Variants in WWOX observed in about 807,000 individuals in gnomAD.
The protein encoded by WWOX is WW domain-containing oxidoreductase.
In WWOX, 69 loss-of-function variants were observed where a neutral mutation model predicts 46.2. The ratio of observed to expected loss-of-function variants is 1.49; its 90% CI spans 1.23 to 1.82. The LOEUF is 1.82. Among genes scored for constraint, WWOX ranks in the 40% most tolerant of loss-of-function variants. The pLI, the probability that WWOX is intolerant of heterozygous loss-of-function variation, is 0.00. For synonymous variants in WWOX, 359 were observed against 202.6 expected, an observed-to-expected ratio of 1.77 and a Z score of -6.56; for missense variants, 919 against 542.6, an observed-to-expected ratio of 1.69 and a Z score of -6.89.
chr16:78,626,506 C>G (rs538137551), intron 8 of WWOX, among the ~76,000 whole-genome samples: 33 of 152,208 alleles, frequency 2.2e-4, no homozygotes, highest in Non-Finnish European at 3.8e-4. Context: ...AGGAAGACCC[C>G]AGAGGTCTGT....
At position 79,212,326 on chromosome 16, in the gene WWOX, G is replaced by C; in HGVS notation, c.*530G>C. Reference sequence around the variant, plus strand: ...CTGGGGAGACAAATCTCAGAACCTTGTCCCAGCCAGTGAGGATGACAGTGA... The same window carrying C: ...CTGGGGAGACAAATCTCAGAACCTTCTCCCAGCCAGTGAGGATGACAGTGA... On this transcript the variant is annotated 3_prime_UTR_variant, in exon 9 of 9. Transcript: ENST00000566780. 1.3e-6 allele frequency: 1 copy of C among 756,174 alleles called. No homozygotes were observed. The highest frequency in any genetic ancestry group is 2.0e-6 in the Non-Finnish European group (1 of 490,330). The allele number at this position is 756,174 out of a possible 1,614,324, so 46.8% of individuals were successfully genotyped here.
At chr16:78,468,079 T>A (rs2667543) in intron 8 of WWOX, among the ~76,000 whole-genome samples, 1 of 151,904 alleles carries the variant, frequency 6.6e-6, no homozygotes, top group African/African-American at 2.4e-5. Flanking sequence ...AAAACTGACA[T>A]TTTCTAAGTG....
chr16:79,192,377 C>G (rs2051154438), intron 8 of WWOX, among the ~76,000 whole-genome samples: 1 of 152,178 alleles, frequency 6.6e-6, no homozygotes, highest in African/African-American at 2.4e-5. Flanking sequence ...CACATGGCAA[C>G]TCATCACCCC....
rs189671504 is a variant in WWOX, at chr16:78,414,642, T to A, written c.606-10228T>A. Among the ~76,000 whole-genome samples, 313 of 152,356 alleles carry A rather than the reference T, an allele frequency of 2.1e-3. 2 individuals carry two copies. Among genetic ancestry groups the A allele is most frequent in the African/African-American group, 6.8e-3 (282 of 41,580 alleles). The stretch of plus-strand genomic sequence containing the variant: ...AATCTTAGGTTCTACAACAGTGATG[T>A]TATCTGCATGAATAATTGAGAAAGT... On this transcript the variant is annotated intron_variant, in intron 6 of 8. Transcript: ENST00000566780.
chr16:78,813,891 A>T (rs1429622663), intron 8 of WWOX, among the ~76,000 whole-genome samples: 1 of 152,172 alleles, frequency 6.6e-6, no homozygotes, highest in African/African-American at 2.4e-5. Flanking sequence ...TTGCCTGAGC[A>T]AGCCATTAAT....
At chr16:78,764,923 G>T (rs1567544750) in intron 8 of WWOX, among the ~76,000 whole-genome samples, 1 of 152,110 alleles carries the variant, frequency 6.6e-6, no homozygotes, top group Non-Finnish European at 1.5e-5. Context: ...TGAATTATCT[G>T]CATTGTGCCT....
chr16:79,090,851 C>A lies in WWOX; in HGVS notation c.1057-120757C>A, dbSNP rs115012850. Among the ~76,000 whole-genome samples, 1,393 of 152,232 alleles carry A rather than the reference C, an allele frequency of 9.2e-3. 25 individuals carry two copies. Among genetic ancestry groups the A allele is most frequent in the African/African-American group, 0.032 (1,311 of 41,516 alleles). On this transcript the variant is annotated intron_variant, in intron 8 of 8. Transcript: ENST00000566780. ...TTTTTTTGAGACATCTGGAGTGCAG[C>A]GGCATGATCTCAGCTCACTGCAACC... is the stretch of plus-strand genomic sequence containing the variant.
In WWOX at chr16:78,206,633, G is replaced by A. The variant is rs185531075; in HGVS notation, c.516+42344G>A. On this transcript the variant is annotated intron_variant, in intron 5 of 8. Transcript: ENST00000566780. ...TTAATTCTGGTTTAAGACTGAAGGG[G>A]TTCTTGGTGAATACTTTTGTAGATA... Among the ~76,000 whole-genome samples, 553 of 152,214 alleles carry A rather than the reference G, an allele frequency of 3.6e-3. 4 individuals are homozygous for A. Among genetic ancestry groups the A allele is most frequent in the South Asian group, 9.7e-3 (47 of 4,828 alleles).
At chr16:78,429,559 G>A (rs923988764) in intron 7 of WWOX, among the ~76,000 whole-genome samples, 3 of 151,958 alleles carry the variant, frequency 2.0e-5, no homozygotes, top group African/African-American at 7.2e-5. Flanking sequence ...GAGGGAGGGG[G>A]TGGTGCTATA....
chr16:78,929,646 G>C (rs2045575948), intron 8 of WWOX, among the ~76,000 whole-genome samples: 1 of 152,176 alleles, frequency 6.6e-6, no homozygotes, highest in Admixed American at 6.5e-5. Flanking sequence ...CTGGGGTTGG[G>C]ATGGCGACTA....
At chr16:78,911,722 C>G (rs1012895612) in intron 8 of WWOX, among the ~76,000 whole-genome samples, 32 of 151,958 alleles carry the variant, frequency 2.1e-4, no homozygotes, top group African/African-American at 7.7e-4. Context: ...AAAAATTAGC[C>G]AGACGTGATG....
chr16:78,724,209 T>G (rs1042743428), intron 8 of WWOX, among the ~76,000 whole-genome samples: 2 of 152,190 alleles, frequency 1.3e-5, no homozygotes, highest in East Asian at 3.9e-4. Context: ...AAATCTTTAG[T>G]GAGTACCTGT....
chr16:78,870,654 T>C (rs2044107093), intron 8 of WWOX, among the ~76,000 whole-genome samples: 1 of 152,156 alleles, frequency 6.6e-6, no homozygotes, highest in Admixed American at 6.5e-5. Context: ...CAGGCTGGAG[T>C]GCGGTGGTGC....
intron 8 of WWOX, among the ~76,000 whole-genome samples, chr16:78,648,488 C>A (rs1301033321): frequency 1.4e-4 from 22 of 152,176 alleles, no homozygotes; most frequent in Non-Finnish European, 5.9e-5. Context: ...TGGACAATGG[C>A]CAGACCATAT....
At chr16:78,190,650 G>A (rs2035856092) in intron 5 of WWOX, among the ~76,000 whole-genome samples, 1 of 152,178 alleles carries the variant, frequency 6.6e-6, no homozygotes, top group South Asian at 2.1e-4. Context: ...GGGTCTGACT[G>A]TAATCACACT....
chr16:79,008,121 T>C (rs2047225125), intron 8 of WWOX, among the ~76,000 whole-genome samples: 1 of 152,174 alleles, frequency 6.6e-6, no homozygotes, highest in South Asian at 2.1e-4. Flanking sequence ...GAATTCATTT[T>C]CTTGTAACTG....
chr16:78,815,295 A>C (rs552321334), intron 8 of WWOX, among the ~76,000 whole-genome samples: 41 of 151,956 alleles, frequency 2.7e-4, no homozygotes, highest in Non-Finnish European at 5.6e-4. Flanking sequence ...ACTGCACTCC[A>C]GCCTGGCTGA....
At chr16:79,120,071 A>G (rs942602917) in intron 8 of WWOX, among the ~76,000 whole-genome samples, 1 of 152,188 alleles carries the variant, frequency 6.6e-6, no homozygotes, top group Admixed American at 6.5e-5. Context: ...GGAAGAGTGC[A>G]GTTTATTTAG....
chr16:78,522,990 T>G (rs924830150), intron 8 of WWOX, among the ~76,000 whole-genome samples: 1 of 152,194 alleles, frequency 6.6e-6, no homozygotes, highest in Non-Finnish European at 1.5e-5. Flanking sequence ...GAGAATTGTT[T>G]GAAGCTGGGA....
Sources: gnomAD v4.1 joint callset for allele counts (sites outside exome capture counted in the v4.1 genomes callset) on GRCh38, gnomAD v4.1.1 for gene constraint, MANE v1.5 for transcripts, NCBI Gene and HGNC (gene_info 2026-07-23, HGNC 2026-07-21) for gene names.